Variants in LY86 observed in about 807,000 individuals in gnomAD.
LY86 encodes lymphocyte antigen 86.
A neutral mutation model predicts 17.3 loss-of-function variants in LY86; 20 were observed. The observed-to-expected ratio is 1.15, with a 90% confidence interval of 0.81 to 1.68. LY86 has a LOEUF of 1.68. Among genes scored for constraint, LY86 ranks in the 40% most tolerant of loss-of-function variants. The pLI, the probability that LY86 is intolerant of heterozygous loss-of-function variation, is 0.00. For missense variants in LY86, 200 were observed against 191.9 expected, an observed-to-expected ratio of 1.04 and a Z score of -0.25; for synonymous variants, 74 against 70.6, an observed-to-expected ratio of 1.05 and a Z score of -0.24.
At chr6:6,649,151 G>A (rs1762149204) in intron 3 of LY86, among the ~76,000 whole-genome samples, 1 of 152,218 alleles carries the variant, frequency 6.6e-6, no homozygotes, top group Admixed American at 6.5e-5. Context: ...ACGGTGGCAG[G>A]CAAGAGGGCG....
At chr6:6,645,058 T>C (rs1384084118) in intron 3 of LY86, among the ~76,000 whole-genome samples, 1 of 152,118 alleles carries the variant, frequency 6.6e-6, no homozygotes, top group Non-Finnish European at 1.5e-5. Flanking sequence ...AGAACACAAA[T>C]GAGCAAACCC....
rs1176856457 is a variant in LY86, at chr6:6,595,151, GAGGAGAGA to G, written c.136+6283_136+6290del. Among the ~76,000 whole-genome samples the G allele has an allele frequency of 7.1e-4, 103 of 145,724 alleles. 3 individuals carry two copies. In the East Asian group the frequency reaches 0.018, roughly 25 times the overall value. On this transcript the variant is annotated intron_variant, in intron 1 of 4. Coordinates refer to ENST00000230568, the MANE Select transcript of LY86 (RefSeq NM_004271.4). The stretch of plus-strand genomic sequence containing the variant: ...GGTGGTGAGGGAGAGGGAAAGAGAG[GAGGAGAGA>G]AAAGAGCGGAAGGAGGAGGAAAAAG...
At chr6:6,588,955 G>A in intron 1 of LY86, 85 bp downstream of exon 1, 1 of 1,431,946 alleles carries the variant, frequency 7.0e-7, no homozygotes, top group South Asian at 1.3e-5. Context: ...TTGGAGTTGG[G>A]GTGGGAGGGG....
intron 3 of LY86, among the ~76,000 whole-genome samples, chr6:6,639,459 T>C (rs936199952): frequency 3.9e-5 from 6 of 152,228 alleles, no homozygotes; most frequent in Admixed American, 6.5e-5. Flanking sequence ...ACACCATCAA[T>C]TGATTCTCTT....
intron 1 of LY86, among the ~76,000 whole-genome samples, chr6:6,596,138 A>G (rs1760704687): frequency 6.6e-6 from 1 of 152,242 alleles, no homozygotes; most frequent in South Asian, 2.1e-4. Context: ...ATCAAGTCAC[A>G]TGTGCCTGAA....
chr6:6,637,082 G>A (rs1485674896), intron 3 of LY86, among the ~76,000 whole-genome samples: 1 of 146,842 alleles, frequency 6.8e-6, no homozygotes, highest in Non-Finnish European at 1.5e-5. Flanking sequence ...ATGTGATCTC[G>A]GCTCACTGCA....
At chr6:6,636,547 T>C (rs997614543) in intron 3 of LY86, among the ~76,000 whole-genome samples, 11 of 152,202 alleles carry the variant, frequency 7.2e-5, no homozygotes, top group Non-Finnish European at 1.3e-4. Context: ...AGTGGAGTCA[T>C]TGAGGCTTAG....
chr6:6,592,289 A>C (rs1057159475), intron 1 of LY86, among the ~76,000 whole-genome samples: 1 of 152,204 alleles, frequency 6.6e-6, no homozygotes, highest in Admixed American at 6.5e-5. Context: ...GAAAGAAGAG[A>C]GCCACTGTCT....
At chr6:6,613,078 C>G (rs942602786) in intron 1 of LY86, among the ~76,000 whole-genome samples, 1 of 149,892 alleles carries the variant, frequency 6.7e-6, no homozygotes, top group African/African-American at 2.5e-5. Flanking sequence ...CCAGAGTAGC[C>G]AGATACAGAG....
intron 1 of LY86, among the ~76,000 whole-genome samples, chr6:6,611,163 A>G (rs1360109321): frequency 6.6e-6 from 1 of 152,252 alleles, no homozygotes; most frequent in Non-Finnish European, 1.5e-5. Context: ...TGAAGGTCAC[A>G]AAAGCACAAC....
At chr6:6,647,869 A>T (rs1762127357) in intron 3 of LY86, among the ~76,000 whole-genome samples, 1 of 152,036 alleles carries the variant, frequency 6.6e-6, no homozygotes, top group African/African-American at 2.4e-5. Flanking sequence ...TCATAGCTCC[A>T]TTCTTACCTT....
intron 1 of LY86, among the ~76,000 whole-genome samples, chr6:6,609,867 G>C (rs372084860): frequency 6.6e-6 from 1 of 151,902 alleles, no homozygotes; most frequent in Non-Finnish European, 1.5e-5. Flanking sequence ...AAAAGAATTC[G>C]TGCTTGTTCT....
At chr6:6,647,890 T>C (rs77427956) in intron 3 of LY86, among the ~76,000 whole-genome samples, 4,657 of 152,064 alleles carry the variant, frequency 0.031, 87 homozygotes, top group South Asian at 0.056. Flanking sequence ...TTCCCTAAAA[T>C]TCCAGACTTG....
At chr6:6,638,077 C>G (rs1473789606) in intron 3 of LY86, among the ~76,000 whole-genome samples, 1 of 152,190 alleles carries the variant, frequency 6.6e-6, no homozygotes, top group Non-Finnish European at 1.5e-5. Flanking sequence ...CTGCTAGGCC[C>G]CGCTTCCTCA....
At chr6:6,643,200 T>C (rs190325141) in intron 3 of LY86, among the ~76,000 whole-genome samples, 16 of 152,368 alleles carry the variant, frequency 1.1e-4, no homozygotes, top group African/African-American at 3.8e-4. Context: ...ACAGTGTCTG[T>C]ACTAATTTAC....
Position 6,642,845 on chromosome 6 carries a change from C to T in LY86, c.353-6780C>T, listed in dbSNP as rs182409786. On this transcript the variant is annotated intron_variant, in intron 3 of 4. Transcript: ENST00000230568. ...AGACTGTATCCAGAGCTCACTAGAA[C>T]GAAGCCATGCACTCCCTCCCTCCTC... 1.8e-3 allele frequency among the ~76,000 whole-genome samples: 270 copies of T among 152,320 alleles called. 3 individuals carry two copies. Among genetic ancestry groups the T allele is most frequent in the African/African-American group, 6.1e-3 (255 of 41,562 alleles).
At chr6:6,636,066 C>A (rs1581250031) in intron 3 of LY86, among the ~76,000 whole-genome samples, 2 of 152,166 alleles carry the variant, frequency 1.3e-5, no homozygotes, top group Non-Finnish European at 2.9e-5. Context: ...CTGGACCTAG[C>A]CCCAGGGTTT....
intron 1 of LY86, among the ~76,000 whole-genome samples, chr6:6,612,330 C>T (rs897505036): frequency 6.6e-6 from 1 of 152,138 alleles, no homozygotes; most frequent in Non-Finnish European, 1.5e-5. Context: ...AACTGCAGAC[C>T]CTCGCAGTAA....
At chr6:6,642,401 G>A (rs188664909) in intron 3 of LY86, among the ~76,000 whole-genome samples, 5 of 152,320 alleles carry the variant, frequency 3.3e-5, no homozygotes, top group South Asian at 2.1e-4. Context: ...TGAATGGCCC[G>A]GGAGCTTGAG....
Sources: gnomAD v4.1 joint callset for allele counts (sites outside exome capture counted in the v4.1 genomes callset) on GRCh38, gnomAD v4.1.1 for gene constraint, MANE v1.5 for transcripts, NCBI Gene and HGNC (gene_info 2026-07-23, HGNC 2026-07-21) for gene names.